FRMD4B: variants seen among roughly 807,000 people sequenced by gnomAD.
The protein encoded by FRMD4B is FERM domain-containing protein 4B.
Under a neutral mutation model 141.5 loss-of-function variants are expected in FRMD4B, and 74 were observed. The observed-to-expected ratio is 0.52, with a 90% CI of 0.43 to 0.63. The LOEUF (loss-of-function observed/expected upper bound fraction) is 0.63, where lower values mean the gene tolerates loss of function less well. Ranked by LOEUF, FRMD4B falls within the 30% of genes least tolerant of loss-of-function variation. FRMD4B has a pLI of 0.00. For missense variants in FRMD4B, 1,366 were observed against 1,253.4 expected (o/e 1.09, Z -1.36); for synonymous variants, 506 against 467.9 (o/e 1.08, Z -1.05).
chr3:69,382,519 T>G (rs1251797060), intron 1 of FRMD4B, among the ~76,000 whole-genome samples: 1 of 152,244 alleles, frequency 6.6e-6, no homozygotes, highest in East Asian at 1.9e-4. Context: ...TATTTCTGTT[T>G]ATATATTGCA....
chr3:69,313,376 G>T, intron 2 of FRMD4B, 76 bp downstream of exon 2: 1 of 889,562 alleles, frequency 1.1e-6, no homozygotes, highest in Non-Finnish European at 1.8e-6. Context: ...AGGGAACCAG[G>T]ATGAGCTGTC....
intron 2 of FRMD4B, among the ~76,000 whole-genome samples, chr3:69,403,825 A>AAC (rs149106149): frequency 5.7e-4 from 86 of 151,674 alleles, no homozygotes; most frequent in African/African-American, 1.8e-3. Context: ...CCCCCACCTC[A>AAC]ACACACACAC....
Position 69,301,015 on chromosome 3 carries a change from C to T in FRMD4B, c.416+1328G>A, listed in dbSNP as rs535549424. Among the ~76,000 whole-genome samples, 123 of 152,194 alleles carry T rather than the reference C, an allele frequency of 8.1e-4. 1 individual carries two copies. Among genetic ancestry groups the T allele is most frequent in the African/African-American group, 2.5e-3 (103 of 41,514 alleles). The stretch of plus-strand genomic sequence containing the variant: ...CCTCCCAAAGTGCTGGGATTACAGG[C>T]GTGAGCCACCGCGCCTGGCTAGCTG... On this transcript the variant is annotated intron_variant, in intron 4 of 22. Transcript: ENST00000398540.
intron 1 of FRMD4B, among the ~76,000 whole-genome samples, chr3:69,433,620 T>G (rs755597797): frequency 8.5e-5 from 13 of 152,242 alleles, no homozygotes; most frequent in Non-Finnish European, 1.6e-4. Flanking sequence ...CAAACACCTT[T>G]GCCCTCTCTC....
chr3:69,509,103 TGCA>T (rs993010324), intron 1 of FRMD4B, among the ~76,000 whole-genome samples: 5 of 152,236 alleles, frequency 3.3e-5, no homozygotes, highest in African/African-American at 1.2e-4. Flanking sequence ...CACAGGCTTC[TGCA>T]GCAGTGGGGT....
chr3:69,435,338 G>T (rs367927119), intron 1 of FRMD4B, among the ~76,000 whole-genome samples: 2 of 151,494 alleles, frequency 1.3e-5, no homozygotes, highest in East Asian at 3.9e-4. Flanking sequence ...GGAATCTAAG[G>T]GTTTACTATA....
chr3:69,316,525 T>A (rs1178998775), intron 1 of FRMD4B, among the ~76,000 whole-genome samples: 2 of 152,106 alleles, frequency 1.3e-5, no homozygotes, highest in Non-Finnish European at 2.9e-5. Context: ...GTCATCTTTT[T>A]TTTCTGCTTT....
intron 11 of FRMD4B, among the ~76,000 whole-genome samples, chr3:69,201,850 G>A (rs1299026211): frequency 1.3e-5 from 2 of 152,142 alleles, no homozygotes; most frequent in African/African-American, 4.8e-5. Context: ...CCTTTCTCCA[G>A]TGTTTATCTT....
intron 7 of FRMD4B, among the ~76,000 whole-genome samples, chr3:69,245,345 G>GTTTTT (rs1363513277): frequency 9.9e-5 from 15 of 150,860 alleles, no homozygotes; most frequent in African/African-American, 3.5e-4. Flanking sequence ...GTGTGTGTGT[G>GTTTTT]TGTGTGTGTT....
intron 22 of FRMD4B, among the ~76,000 whole-genome samples, chr3:69,172,506 C>T (rs1478244826): frequency 2.0e-5 from 3 of 152,058 alleles, no homozygotes; most frequent in Non-Finnish European, 4.4e-5. Context: ...TGTGTGACAG[C>T]TATATTTTTA....
At chr3:69,274,624 T>C (rs1354324451) in intron 5 of FRMD4B, among the ~76,000 whole-genome samples, 3 of 152,168 alleles carry the variant, frequency 2.0e-5, no homozygotes, top group African/African-American at 7.2e-5. Flanking sequence ...GTTCAAGCAA[T>C]TCTCGTGCCT....
chr3:69,337,146 A>G (rs1702584075), intron 1 of FRMD4B, among the ~76,000 whole-genome samples: 1 of 152,038 alleles, frequency 6.6e-6, no homozygotes, highest in Non-Finnish European at 1.5e-5. Flanking sequence ...CTCAGAAATA[A>G]TGCCACATAT....
At chr3:69,212,634 G>A (rs1048220979) in intron 11 of FRMD4B, among the ~76,000 whole-genome samples, 1 of 152,174 alleles carries the variant, frequency 6.6e-6, no homozygotes, top group African/African-American at 2.4e-5. Flanking sequence ...ATAAGTACAG[G>A]AGAGGAAATT....
At chr3:69,362,329 A>C (rs1480063678) in intron 1 of FRMD4B, among the ~76,000 whole-genome samples, 5 of 152,220 alleles carry the variant, frequency 3.3e-5, no homozygotes, top group African/African-American at 1.2e-4. Context: ...GAACCTACAC[A>C]GTTTGGCTCC....
At chr3:69,455,593 T>C (rs1479333903) in intron 1 of FRMD4B, among the ~76,000 whole-genome samples, 2 of 152,164 alleles carry the variant, frequency 1.3e-5, no homozygotes, top group Non-Finnish European at 2.9e-5. Context: ...GAACAAACCC[T>C]GGATGCACCA....
intron 1 of FRMD4B, among the ~76,000 whole-genome samples, chr3:69,513,329 C>A (rs1450489206): frequency 6.6e-6 from 1 of 152,056 alleles, no homozygotes; most frequent in Non-Finnish European, 1.5e-5. Flanking sequence ...CCTAGAAACA[C>A]ACAACCTATC....
intron 1 of FRMD4B, among the ~76,000 whole-genome samples, chr3:69,434,071 C>T (rs73835841): frequency 0.013 from 1,983 of 152,242 alleles, 39 homozygotes; most frequent in African/African-American, 0.04. Flanking sequence ...TGTGTCTGCC[C>T]GGCGACAAAA....
intron 1 of FRMD4B, among the ~76,000 whole-genome samples, chr3:69,502,432 A>G (rs926573274): frequency 6.6e-5 from 10 of 152,212 alleles, no homozygotes; most frequent in African/African-American, 2.4e-4. Context: ...GCAATGGGGA[A>G]AGGATTCCCT....
At position 69,536,457 on chromosome 3, in the gene FRMD4B, G is replaced by A. The variant is rs150940359; in HGVS notation, c.-129+5749C>T. The A allele has an allele frequency of 2.2e-3, 1,544 of 705,346 alleles. 19 individuals carry two copies. The African/African-American group carries it at 0.024, about 11-fold the overall frequency. 43.7% of individuals were successfully genotyped at this position (705,346 alleles called of 1,614,324 possible). On this transcript the variant is annotated intron_variant, in intron 1 of 5. Transcript: ENST00000459638. ...CGTCCACCGTTGGGTACTTGTGCAG[G>A]ATGTAGAGCTTGACGGCCACCGCCA...
Sources: allele counts gnomAD v4.1 joint callset (sites outside exome capture counted in the v4.1 genomes callset), GRCh38; gene constraint gnomAD v4.1.1; transcripts MANE v1.5; gene names NCBI Gene and HGNC (gene_info 2026-07-23, HGNC 2026-07-21).